Variants in FAM177B observed in about 807,000 individuals in gnomAD.
FAM177B encodes family with sequence similarity 177 member B.
In FAM177B, 16 loss-of-function variants were observed where a neutral mutation model predicts 16.1. That is an observed-to-expected ratio of 0.99 (90% CI 0.67 to 1.51). The LOEUF is 1.51. Ranked by LOEUF, FAM177B falls within the 40% of genes most tolerant of loss-of-function variation. The pLI is 0.00. For missense variants in FAM177B, 178 were observed against 183.7 expected (o/e 0.97, Z 0.18); for synonymous variants, 56 against 59.9 (o/e 0.93, Z 0.30).
intron 2 of FAM177B, among the ~76,000 whole-genome samples, chr1:222,745,341 G>A (rs919945623): frequency 1.3e-5 from 2 of 152,206 alleles, no homozygotes; most frequent in African/African-American, 4.8e-5. Context: ...ACCAGGCATA[G>A]TGGCTCACAT....
intron 2 of FAM177B, among the ~76,000 whole-genome samples, chr1:222,741,645 A>G (rs2125059448): frequency 6.6e-6 from 1 of 151,374 alleles, no homozygotes. Context: ...CAAGTCTGTC[A>G]GCTCAGTCTC....
chr1:222,750,561 A>G lies in FAM177B; in HGVS notation c.*503A>G. The G allele has an allele frequency of 1.0e-6, 1 of 981,792 alleles. No homozygotes were observed. The highest frequency in any genetic ancestry group is 1.2e-6 in the Non-Finnish European group (1 of 826,544). 60.8% of individuals were successfully genotyped at this position (981,792 alleles called of 1,614,324 possible). On this transcript the variant is annotated 3_prime_UTR_variant, in exon 6 of 6. Coordinates refer to ENST00000445590, the MANE Select transcript of FAM177B (RefSeq NM_001394345.1). ...AGTTGGGGATTGTTTTACAATAAGT[A>G]AACATTGCTAATAACTGTGTTACAA...
At chr1:222,740,262 T>C (rs1053182197) in intron 2 of FAM177B, among the ~76,000 whole-genome samples, 7 of 152,238 alleles carry the variant, frequency 4.6e-5, no homozygotes, top group East Asian at 1.9e-4. Context: ...TGAATATATA[T>C]GTGTGTATAT....
At chr1:222,744,437 A>G (rs1658696762) in intron 2 of FAM177B, among the ~76,000 whole-genome samples, 1 of 150,848 alleles carries the variant, frequency 6.6e-6, no homozygotes, top group African/African-American at 2.4e-5. Context: ...GTGCCATTGC[A>G]CTTCAGCCTG....
intron 3 of FAM177B, 35 bp downstream of exon 3, chr1:222,746,754 G>A: frequency 5.3e-6 from 8 of 1,507,440 alleles, no homozygotes; most frequent in South Asian, 2.4e-5. Context: ...GGAACATGGT[G>A]GGGGAGGCGG....
intron 2 of FAM177B, chr1:222,742,565 T>C (rs1658603222): frequency 6.6e-6 from 1 of 152,224 alleles, no homozygotes; most frequent in African/African-American, 2.4e-5. Context: ...AGCAAGATAA[T>C]GTCCTGTCTT....
intron 4 of FAM177B, 68 bp downstream of exon 4, chr1:222,747,149 T>C: frequency 9.4e-7 from 1 of 1,060,778 alleles, no homozygotes. Flanking sequence ...CCTCAGAGTA[T>C]GTGGGACTTC....
chr1:222,749,200 T>C (rs540426903), intron 4 of FAM177B: 17 of 423,568 alleles, frequency 4.0e-5, no homozygotes, highest in South Asian at 3.2e-4. Context: ...TTAAAGTATA[T>C]TGAAAATCTC....
rs776163142 is a variant in FAM177B at position 222,749,920 on chromosome 1, GA to G, written c.343del (p.Ser115ValfsTer38). On this transcript the variant is annotated frameshift_variant and splice_region_variant, in exon 6 of 6. Transcript: ENST00000445590. LOFTEE classifies it low-confidence loss of function (END_TRUNC). ...CATTTCCTTATTTCTCTCCAAAACA[GA>G]AAAGTGACAACAAAAGTGAAAGGAG... ...LNEFYRIQNK[K>X]SDNKSERRGS... 2 of 1,614,040 alleles carry G rather than the reference GA, an allele frequency of 1.2e-6. No individual in the cohort carries two copies. Among genetic ancestry groups the G allele is most frequent in the Non-Finnish European group, 1.7e-6 (2 of 1,179,920 alleles).
At chr1:222,746,859 T>C in intron 3 of FAM177B, 140 bp downstream of exon 3, 1 of 896,352 alleles carries the variant, frequency 1.1e-6, no homozygotes, top group Non-Finnish European at 1.7e-6. Flanking sequence ...AATCCATGCA[T>C]AGGCAACTTA....
chr1:222,739,062 T>TA (rs749107303), intron 2 of FAM177B, among the ~76,000 whole-genome samples: 6 of 152,138 alleles, frequency 3.9e-5, no homozygotes, highest in Non-Finnish European at 8.8e-5. Flanking sequence ...AGCCAACAGA[T>TA]ATCATCAGTC....
Position 222,740,924 on chromosome 1 carries a change from C to T in FAM177B, c.-16+2903C>T, listed in dbSNP as rs896067711. On this transcript the variant is annotated intron_variant, in intron 2 of 5. Transcript: ENST00000445590. ...CCGTGTTAGCCAGGATGGTCTTGAT[C>T]TCCTGACCTCGCGATCTGCCCGTCT... Among the ~76,000 whole-genome samples the T allele has an allele frequency of 2.0e-5, 3 of 152,260 alleles. No individual in the cohort carries two copies. In the South Asian group the frequency reaches 6.2e-4, roughly 32 times the overall value.
At position 222,743,515 on chromosome 1, in the gene FAM177B, G is replaced by A. The variant is rs529120211; in HGVS notation, c.-15-3016G>A. On this transcript the variant is annotated intron_variant, in intron 2 of 5. Coordinates refer to ENST00000445590, the MANE Select transcript of FAM177B (RefSeq NM_001394345.1). ...CTGTCTTGTTGAATTATTCCTCCAA[G>A]GTGACTTTGTACTTGGCGTCTGACA... is the stretch of plus-strand genomic sequence containing the variant. Among the ~76,000 whole-genome samples the A allele has an allele frequency of 3.3e-5, 5 of 152,172 alleles. No individual in the cohort carries two copies. In the South Asian group the frequency reaches 6.2e-4, roughly 19 times the overall value.
chr1:222,749,367 T>G (rs2125066307), intron 4 of FAM177B, 98 bp from the exon 5 acceptor site: 1 of 672,102 alleles, frequency 1.5e-6, no homozygotes, highest in East Asian at 2.6e-5. Flanking sequence ...AGACCACTAT[T>G]ACTATACTAT....
intron 2 of FAM177B, among the ~76,000 whole-genome samples, chr1:222,741,439 A>G (rs1010512865): frequency 6.6e-6 from 1 of 152,078 alleles, no homozygotes; most frequent in Admixed American, 6.6e-5. Context: ...ATCTTTCAAT[A>G]AAGATGCAGG....
chr1:222,740,858 C>A (rs1232655183), intron 2 of FAM177B, among the ~76,000 whole-genome samples: 1 of 151,664 alleles, frequency 6.6e-6, no homozygotes. Context: ...CACCACTATG[C>A]CCAGCTAATT....
rs368573666 is a variant in FAM177B, at chr1:222,737,711, A to G, written c.-133-193A>G. 4.9e-4 allele frequency among the ~76,000 whole-genome samples: 75 copies of G among 152,294 alleles called. No individual in the cohort carries two copies. The East Asian group carries it at 0.012, about 23-fold the overall frequency. On this transcript the variant is annotated intron_variant, in intron 1 of 5. Coordinates refer to ENST00000445590, the MANE Select transcript of FAM177B (RefSeq NM_001394345.1). ...CCACTGGAGAGTTTTAAGCAAAGAC[A>G]TGACATGGTCTCACTTAGGATTTAA...
In FAM177B at chr1:222,737,586, G is replaced by C. The variant is rs147445032; in HGVS notation, c.-134+264G>C. 1.2e-3 allele frequency among the ~76,000 whole-genome samples: 182 copies of C among 152,312 alleles called. 5 individuals carry two copies. The East Asian group carries it at 0.016, about 13-fold the overall frequency. Reference sequence around the variant, plus strand: ...GGTTAGAGTGATGTCAGTGGTGGGAGAGTAGTACAAGATGGCGTCAGAAAG... The same window carrying C: ...GGTTAGAGTGATGTCAGTGGTGGGACAGTAGTACAAGATGGCGTCAGAAAG... On this transcript the variant is annotated intron_variant, in intron 1 of 5. Coordinates refer to ENST00000445590, the MANE Select transcript of FAM177B (RefSeq NM_001394345.1).
chr1:222,749,445 G>A lies in FAM177B; in HGVS notation c.242-20G>A. On this transcript the variant is annotated intron_variant, in intron 4 of 5. Transcript: ENST00000445590. ...TTAGTTAGTAATTCAGTTTACGCAA[G>A]TGCTCGTTCTTTCTTTTAGCATGTG... is the stretch of plus-strand genomic sequence containing the variant. 6.8e-7 allele frequency: 1 copy of A among 1,474,278 alleles called. No homozygotes were observed. The highest frequency in any genetic ancestry group is 9.4e-7 in the Non-Finnish European group (1 of 1,058,676). 91.3% of individuals were successfully genotyped at this position (1,474,278 alleles called of 1,614,324 possible).
Sources: gnomAD v4.1 joint callset for allele counts (sites outside exome capture counted in the v4.1 genomes callset) on GRCh38, gnomAD v4.1.1 for gene constraint, MANE v1.5 for transcripts, NCBI Gene and HGNC (gene_info 2026-07-23, HGNC 2026-07-21) for gene names.